FSTL4: variants seen among roughly 807,000 people sequenced by gnomAD.
FSTL4 encodes follistatin like 4, also known as follistatin-related protein 4.
Under a neutral mutation model 78.2 loss-of-function variants are expected in FSTL4, and 28 were observed. That is an observed-to-expected ratio of 0.36 (90% CI 0.27 to 0.49). The LOEUF (loss-of-function observed/expected upper bound fraction) is 0.49, where lower values mean the gene tolerates loss of function less well. Ranked by LOEUF, FSTL4 falls within the 20% of genes least tolerant of loss-of-function variation. The pLI is 0.98. For missense variants in FSTL4, 922 were observed against 1,084.9 expected, an observed-to-expected ratio of 0.85 and a Z score of 2.11; for synonymous variants, 422 against 440.5, an observed-to-expected ratio of 0.96 and a Z score of 0.53.
chr5:133,358,246 T>G (rs188279949), intron 4 of FSTL4, among the ~76,000 whole-genome samples: 21 of 152,180 alleles, frequency 1.4e-4, no homozygotes, highest in African/African-American at 5.1e-4. Context: ...GCAAAGTCCC[T>G]GTGCCATGTA....
At chr5:133,775,691 G>A in the FSTL4 span, among the ~76,000 whole-genome samples, 1 of 152,152 alleles carries the variant, frequency 6.6e-6, no homozygotes, top group African/African-American at 2.4e-5. Context: ...GACTCCTGTG[G>A]TACCTGCTCC....
intron 6 of FSTL4, among the ~76,000 whole-genome samples, chr5:133,262,180 A>C (rs151219975): frequency 2.3e-4 from 35 of 152,258 alleles, no homozygotes; most frequent in African/African-American, 8.4e-4. Context: ...GCCTTGAGAT[A>C]AGCAATGCTG....
chr5:133,758,750 G>T, the FSTL4 span, among the ~76,000 whole-genome samples: 1 of 152,142 alleles, frequency 6.6e-6, no homozygotes, highest in South Asian at 2.1e-4. Context: ...CATTCTAGGG[G>T]TCAACATTTT....
chr5:133,643,365 G>A, the FSTL4 span, among the ~76,000 whole-genome samples: 1 of 152,132 alleles, frequency 6.6e-6, no homozygotes, highest in Non-Finnish European at 1.5e-5. Flanking sequence ...ACCCTATAAG[G>A]CATATCCATT....
the FSTL4 span, among the ~76,000 whole-genome samples, chr5:133,754,795 T>C: frequency 6.6e-6 from 1 of 152,170 alleles, no homozygotes; most frequent in African/African-American, 2.4e-5. Flanking sequence ...AGACAACATG[T>C]TGATTCTGCT....
chr5:133,705,296 T>A, the FSTL4 span, among the ~76,000 whole-genome samples: 1 of 152,176 alleles, frequency 6.6e-6, no homozygotes, highest in African/African-American at 2.4e-5. Flanking sequence ...CCTGACCTGG[T>A]GATCCACCTG....
chr5:133,781,736 T>C, the FSTL4 span, among the ~76,000 whole-genome samples: 2 of 152,192 alleles, frequency 1.3e-5, no homozygotes, highest in Non-Finnish European at 1.5e-5. Context: ...ACAATCAGCA[T>C]GCCCACCTCC....
At chr5:133,827,456 G>A in the FSTL4 span, among the ~76,000 whole-genome samples, 1 of 152,122 alleles carries the variant, frequency 6.6e-6, no homozygotes, top group Non-Finnish European at 1.5e-5. Flanking sequence ...TGATATGGAT[G>A]CAGATAGTCT....
intron 3 of FSTL4, among the ~76,000 whole-genome samples, chr5:133,488,135 A>G (rs971315969): frequency 6.6e-6 from 1 of 152,246 alleles, no homozygotes; most frequent in Admixed American, 6.5e-5. Flanking sequence ...ATCTGCTACC[A>G]TATACACATA....
chr5:133,267,592 G>A (rs1203370390), intron 6 of FSTL4, among the ~76,000 whole-genome samples: 1 of 152,124 alleles, frequency 6.6e-6, no homozygotes, highest in Non-Finnish European at 1.5e-5. Context: ...GTGCTCCTGG[G>A]GTGCCCTTGC....
chr5:133,663,056 G>T, the FSTL4 span, among the ~76,000 whole-genome samples: 42 of 152,156 alleles, frequency 2.8e-4, no homozygotes, highest in African/African-American at 7.0e-4. Context: ...TAGTAGTAAA[G>T]AACAGATCAG....
chr5:133,686,709 G>T, the FSTL4 span, among the ~76,000 whole-genome samples: 2 of 152,226 alleles, frequency 1.3e-5, no homozygotes, highest in Non-Finnish European at 2.9e-5. Flanking sequence ...TAAGGGAAAT[G>T]ACTTATTCAG....
At chr5:133,664,904 C>A in the FSTL4 span, among the ~76,000 whole-genome samples, 1 of 152,136 alleles carries the variant, frequency 6.6e-6, no homozygotes, top group African/African-American at 2.4e-5. Context: ...AAGATCATGT[C>A]TCCTTGATTA....
chr5:133,445,357 C>G (rs1166857605), intron 3 of FSTL4, among the ~76,000 whole-genome samples: 1 of 152,094 alleles, frequency 6.6e-6, no homozygotes, highest in Non-Finnish European at 1.5e-5. Context: ...TCCCTCAGAT[C>G]ACTGCTGCGG....
rs1757128159 is a variant in FSTL4, at chr5:133,440,423, C to A, written c.161-39437G>T. 1.3e-5 allele frequency among the ~76,000 whole-genome samples: 2 copies of A among 152,212 alleles called. No homozygotes were observed. The highest frequency in any genetic ancestry group is 2.9e-5 in the Non-Finnish European group (2 of 68,038). On this transcript the variant is annotated intron_variant, in intron 3 of 15. Coordinates refer to ENST00000265342, the MANE Select transcript of FSTL4 (RefSeq NM_015082.2). This position sits in a 1 kb window ranked among gnomAD's most constrained non-coding sequence, Gnocchi z 4.1. Reference sequence around the variant, plus strand: ...CAGGCCCATGGGGAGCTCTCAGCAGCCAGCCTAATGTGGGGCTGCACTGAG... The same window carrying A: ...CAGGCCCATGGGGAGCTCTCAGCAGACAGCCTAATGTGGGGCTGCACTGAG...
chr5:133,774,185 A>G, the FSTL4 span, among the ~76,000 whole-genome samples: 1 of 152,210 alleles, frequency 6.6e-6, no homozygotes, highest in Non-Finnish European at 1.5e-5. Flanking sequence ...GGAGTTTCTC[A>G]TCATCTGTAG....
At chr5:133,505,840 T>C (rs866812532) in intron 3 of FSTL4, among the ~76,000 whole-genome samples, 1 of 152,360 alleles carries the variant, frequency 6.6e-6, no homozygotes, top group South Asian at 2.1e-4. Context: ...CAGGGTTACA[T>C]ATCAACATCT....
chr5:133,316,490 T>A lies in FSTL4; in HGVS notation c.572A>T (p.Asn191Ile). 1 of 1,614,156 alleles carries A rather than the reference T, an allele frequency of 6.2e-7. No homozygotes were observed. Among genetic ancestry groups the A allele is most frequent in the Non-Finnish European group, 8.5e-7 (1 of 1,180,000 alleles). ...CAGTTCGGAGCTGCTGAGGTGGCCA[T>A]TGCCATCTGCATCTAAGTCCCTGAA... ...SLFRDLDADGNGHLSSSELAQ... is the reference protein window; with the variant it reads ...SLFRDLDADGIGHLSSSELAQ... Residue 191 changes from asparagine (N) to isoleucine (I), a missense_variant, in exon 5 of 16, where the codon AAT becomes ATT. Physicochemically the swap from Asn to Ile is moderately radical, Grantham distance 149. Coordinates refer to ENST00000265342, the MANE Select transcript of FSTL4 (RefSeq NM_015082.2).
the FSTL4 span, among the ~76,000 whole-genome samples, chr5:133,691,895 C>T: frequency 6.6e-6 from 1 of 152,196 alleles, no homozygotes. Flanking sequence ...ATCTTCACCA[C>T]TCACTGGTTT....
Sources: gnomAD v4.1 joint callset for allele counts (sites outside exome capture counted in the v4.1 genomes callset) on GRCh38, gnomAD v4.1.1 for gene constraint, Gnocchi (gnomAD v3.1) non-coding constraint, MANE v1.5 for transcripts, NCBI Gene and HGNC (gene_info 2026-07-23, HGNC 2026-07-21) for gene names.